GRK7: variants seen among roughly 807,000 people sequenced by gnomAD.
GRK7 encodes the protein rhodopsin kinase GRK7.
In GRK7, 24 loss-of-function variants were observed where a neutral mutation model predicts 34.1. That is an observed-to-expected ratio of 0.70 (90% CI 0.51 to 0.99). The LOEUF is 0.99. Among genes scored for constraint, GRK7 ranks in the 50% least tolerant of loss-of-function variants. GRK7 has a pLI of 0.00. For synonymous variants in GRK7, 256 were observed against 279.4 expected (o/e 0.92, Z 0.84); for missense variants, 644 against 707.3 (o/e 0.91, Z 1.02).
chr3:141,752,595 A>G, the GRK7 span, among the ~76,000 whole-genome samples: 2 of 152,230 alleles, frequency 1.3e-5, no homozygotes, highest in Non-Finnish European at 2.9e-5. Context: ...TAATAATCAA[A>G]CTTGTATAGC....
Position 141,771,502 on chromosome 3 carries a change from A to G in GRK7, c.-214-3078A>G, listed in dbSNP as rs542903850. Among the ~76,000 whole-genome samples the G allele has an allele frequency of 2.2e-4, 30 of 135,728 alleles. No homozygotes were observed. In the South Asian group the frequency reaches 7.3e-3, roughly 33 times the overall value. 89.0% of individuals were successfully genotyped at this position (135,728 alleles called of 152,430 possible). A position where few individuals can be genotyped will look rare whatever the true frequency, so the allele number is the denominator to read the frequency against. On this transcript the variant is annotated intron_variant, in intron 1 of 5. Coordinates refer to ENST00000682958, the MANE Select transcript of GRK7 (RefSeq NM_139209.3). ...GGGTAAGGGATAAGAAATTACTTAG[A>G]GAGTAGAATAATAAACACTAAAGTC...
At chr3:141,762,831 G>A (rs1199903429), upstream of GRK7, among the ~76,000 whole-genome samples, 2 of 152,220 alleles carry the variant, frequency 1.3e-5, no homozygotes, top group Admixed American at 6.5e-5. Context: ...ATCTCGTGGT[G>A]TGCCGTTCTT....
Position 141,778,603 on chromosome 3 carries a change from C to A in GRK7, c.319C>A (p.Gln107Lys). The A allele has an allele frequency of 1.2e-6, 2 of 1,612,612 alleles. No individual in the cohort carries two copies. The highest frequency in any genetic ancestry group is 1.7e-6 in the Non-Finnish European group (2 of 1,179,350). The change falls in exon 3 of 6, where the codon CAG becomes AAG. Residue 107 changes from glutamine (Q) to lysine (K), a missense_variant. Gln to Lys is a moderately conservative substitution (Grantham distance 53, BLOSUM62 1). Coordinates refer to ENST00000682958, the MANE Select transcript of GRK7 (RefSeq NM_139209.3). This position sits in a 1 kb window ranked among gnomAD's most constrained non-coding sequence, Gnocchi z 4.1. ...EEGPTKDSAL[Q>K]GLVATCASAP... is the part of the protein sequence containing the mutation. ...GGGACCCACCAAAGACAGCGCGCTG[C>A]AGGGGCTGGTGGCCACTTGTGCGAG...
chr3:141,811,738 C>T (rs1711094474), intron 5 of GRK7, among the ~76,000 whole-genome samples: 1 of 152,202 alleles, frequency 6.6e-6, no homozygotes, highest in South Asian at 2.1e-4. Context: ...CAAGCCAAGG[C>T]AAATGCCTCG....
rs960600458 is a variant in GRK7, at chr3:141,765,297, C to T, written c.-656C>T. ...GGCAGTCACATGGCTCACGCCCTTA[C>T]CTTCAGGAGGTCTTGACTCTCATCA... On this transcript the variant is annotated 5_prime_UTR_variant, in exon 1 of 6. Coordinates refer to ENST00000682958, the MANE Select transcript of GRK7 (RefSeq NM_139209.3). Among the ~76,000 whole-genome samples, 4 of 152,196 alleles carry T rather than the reference C, an allele frequency of 2.6e-5. No homozygotes were observed. The highest frequency in any genetic ancestry group is 5.9e-5 in the Non-Finnish European group (4 of 68,054).
the GRK7 span, among the ~76,000 whole-genome samples, chr3:141,754,343 C>G: frequency 6.6e-6 from 1 of 151,914 alleles, no homozygotes; most frequent in African/African-American, 2.4e-5. Context: ...TCAGACAGGC[C>G]TCATATTTAT....
intron 4 of GRK7, among the ~76,000 whole-genome samples, chr3:141,801,226 GC>G (rs1241766591): frequency 6.6e-6 from 1 of 151,272 alleles, no homozygotes; most frequent in Non-Finnish European, 1.5e-5. Context: ...CAGGAGAATG[GC>G]GTGAACCTGG....
In GRK7 at chr3:141,780,360, C is replaced by T. The variant is rs1379840675; in HGVS notation, c.613-14C>T. On this transcript the variant is annotated splice_polypyrimidine_tract_variant and intron_variant, in intron 3 of 5. Transcript: ENST00000682958. Reference sequence around the variant, plus strand: ...TACTTCTACCTCTTTCTCTTCTTTTCTTTCTCCTTTAAGGTATGTGCCGTC... The same window carrying T: ...TACTTCTACCTCTTTCTCTTCTTTTTTTTCTCCTTTAAGGTATGTGCCGTC... 1 of 1,606,660 alleles carries T rather than the reference C, an allele frequency of 6.2e-7. No individual in the cohort carries two copies. Among genetic ancestry groups the T allele is most frequent in the African/African-American group, 1.3e-5 (1 of 74,518 alleles).
At chr3:141,755,591 A>G in the GRK7 span, among the ~76,000 whole-genome samples, 1 of 152,358 alleles carries the variant, frequency 6.6e-6, no homozygotes, top group South Asian at 2.1e-4. Flanking sequence ...AAATGTGCCC[A>G]TTATGCCTCA....
chr3:141,768,417 A>G (rs1457236244), intron 1 of GRK7, among the ~76,000 whole-genome samples: 1 of 151,878 alleles, frequency 6.6e-6, no homozygotes, highest in African/African-American at 2.4e-5. Flanking sequence ...AGCTGGGATT[A>G]CAGGCACCCA....
At chr3:141,798,861 A>G (rs1710919524) in intron 4 of GRK7, among the ~76,000 whole-genome samples, 1 of 152,224 alleles carries the variant, frequency 6.6e-6, no homozygotes, top group Non-Finnish European at 1.5e-5. Context: ...TCAAAGCTCC[A>G]TGGCTGACAT....
intron 5 of GRK7, among the ~76,000 whole-genome samples, chr3:141,810,628 T>G (rs1209069640): frequency 6.6e-6 from 1 of 152,294 alleles, no homozygotes; most frequent in East Asian, 1.9e-4. Context: ...GCAATTCTTC[T>G]GCCTTGGCCT....
Position 141,780,435 on chromosome 3 carries a change from A to T in GRK7, c.674A>T (p.Lys225Met), listed in dbSNP as rs763560113. 12 of 1,614,258 alleles carry T rather than the reference A, an allele frequency of 7.4e-6. No individual in the cohort carries two copies. The South Asian group carries it at 9.9e-5, about 13-fold the overall frequency. The change falls in exon 4 of 6, where the codon AAG becomes ATG. Residue 225 changes from lysine (K) to methionine (M), a missense_variant. By Grantham distance (95) the Lys-to-Met change is moderately conservative. Coordinates refer to ENST00000682958, the MANE Select transcript of GRK7 (RefSeq NM_139209.3). ...KMYACKKLDK[K>M]RLKKKGGEKM... is the part of the protein sequence containing the mutation. ...TATGCCTGTAAGAAACTGGACAAGA[A>T]GCGGCTGAAGAAGAAAGGTGGCGAG...
the GRK7 span, among the ~76,000 whole-genome samples, chr3:141,753,496 G>T: frequency 6.6e-6 from 1 of 152,162 alleles, no homozygotes; most frequent in Non-Finnish European, 1.5e-5. Flanking sequence ...ATTCTCATAA[G>T]GAGCGCCCAA....
intron 2 of GRK7, among the ~76,000 whole-genome samples, chr3:141,775,777 A>G (rs1398682720): frequency 6.6e-6 from 1 of 151,128 alleles, no homozygotes; most frequent in Non-Finnish European, 1.5e-5. Flanking sequence ...TAACTATTAA[A>G]GTTAATTTCG....
rs1229532968 is a variant in GRK7 at position 141,814,841 on chromosome 3, CAAT to C, written c.1326-1872_1326-1870del. On this transcript the variant is annotated intron_variant, in intron 5 of 5. Coordinates refer to ENST00000682958, the MANE Select transcript of GRK7 (RefSeq NM_139209.3). ...CTGAACTAATTTACCTTCCCATCAA[CAAT>C]GTGTAAGCATTCTCTTTTCTCTGCA... Among the ~76,000 whole-genome samples the C allele has an allele frequency of 2.0e-5, 3 of 151,852 alleles. 1 individual carries two copies. Among genetic ancestry groups the C allele is most frequent in the South Asian group, 4.2e-4 (2 of 4,808 alleles).
chr3:141,764,768 C>G lies in GRK7; in HGVS notation c.-1185C>G, dbSNP rs2084572168. Among the ~76,000 whole-genome samples the G allele has an allele frequency of 6.6e-6, 1 of 152,154 alleles. No homozygotes were observed. Among genetic ancestry groups the G allele is most frequent in the South Asian group, 2.1e-4 (1 of 4,830 alleles). The stretch of plus-strand genomic sequence containing the variant: ...CAGTTTGGCTGTCTCCCTGGCAGGT[C>G]AAATTTAACAGGTACAAGACTGAGC... On this transcript the variant is annotated 5_prime_UTR_variant, in exon 1 of 6. Transcript: ENST00000682958.
chr3:141,817,445 T>A lies in GRK7; in HGVS notation c.*395T>A. The stretch of plus-strand genomic sequence containing the variant: ...ATTTTAGTTTTTCTTTGTTTATATC[T>A]TTTTTTCCCTTCATCTTTCTTCGCT... On this transcript the variant is annotated 3_prime_UTR_variant, in exon 6 of 6. Coordinates refer to ENST00000682958, the MANE Select transcript of GRK7 (RefSeq NM_139209.3). The A allele has an allele frequency of 6.3e-6, 1 of 158,554 alleles. No individual in the cohort carries two copies. 9.8% of individuals were successfully genotyped at this position (158,554 alleles called of 1,614,324 possible).
In GRK7 at chr3:141,789,186, A is replaced by G. The variant is rs2677432; in HGVS notation, c.1050+8375A>G. Among the ~76,000 whole-genome samples the G allele has an allele frequency of 8.9e-3, 1,358 of 152,344 alleles. 4 individuals carry two copies. Among genetic ancestry groups the G allele is most frequent in the Non-Finnish European group, 0.015 (1,014 of 68,030 alleles). On this transcript the variant is annotated intron_variant, in intron 4 of 5. Coordinates refer to ENST00000682958, the MANE Select transcript of GRK7 (RefSeq NM_139209.3). ...GTTACTGTGATTTACTGGACTATCA[A>G]TCAGAGTTATTATGGGACAGAACTA... is the stretch of plus-strand genomic sequence containing the variant.
Sources: gnomAD v4.1 joint callset for allele counts (sites outside exome capture counted in the v4.1 genomes callset) on GRCh38, gnomAD v4.1.1 for gene constraint, Gnocchi (gnomAD v3.1) non-coding constraint, MANE v1.5 for transcripts, NCBI Gene and HGNC (gene_info 2026-07-23, HGNC 2026-07-21) for gene names.